NUP210L: variants seen among roughly 807,000 people sequenced by gnomAD.
NUP210L encodes nucleoporin 210 like, also known as nuclear pore membrane glycoprotein 210-like.
Under a neutral mutation model 208.5 loss-of-function variants are expected in NUP210L, and 74 were observed. The observed-to-expected ratio is 0.35, with a 90% CI of 0.29 to 0.43. The LOEUF (loss-of-function observed/expected upper bound fraction) is 0.43. Among genes scored for constraint, NUP210L ranks in the 20% least tolerant of loss-of-function variants. NUP210L has a pLI of 1.00. For missense variants in NUP210L, 1,843 were observed against 2,289.4 expected (o/e 0.81, Z 3.98); for synonymous variants, 780 against 816.9 (o/e 0.95, Z 0.77).
At chr1:154,060,626 C>A in exon 20 of NUP210L, 1 of 1,611,124 alleles carries the variant, frequency 6.2e-7, no homozygotes, top group Non-Finnish European at 8.5e-7. Context: ...GATCCTTCCA[C>A]AAGGCTAAAT....
intron 33 of NUP210L, among the ~76,000 whole-genome samples, chr1:154,013,017 A>AAAC (rs1354955897): frequency 1.9e-4 from 29 of 149,302 alleles, no homozygotes; most frequent in South Asian, 4.3e-4. Context: ...AAAAAAAAAA[A>AAAC]AAAAAAACAA....
At chr1:154,098,855 C>T (rs749492211) in intron 14 of NUP210L, among the ~76,000 whole-genome samples, 5 of 152,182 alleles carry the variant, frequency 3.3e-5, no homozygotes, top group African/African-American at 7.2e-5. Flanking sequence ...TGCCTCCTGC[C>T]GCTGTTCATG....
rs1464392707 is a variant in NUP210L, at chr1:154,025,450, A to C, written c.4122+92T>G. Reference sequence around the variant, plus strand: ...TTTTTCTTTAATGGCATGATAAGAAAATTTCTAGTTTTTTAAAAAAGAAAC... The same window carrying C: ...TTTTTCTTTAATGGCATGATAAGAACATTTCTAGTTTTTTAAAAAAGAAAC... On this transcript the variant is annotated intron_variant, in intron 30 of 39. Coordinates refer to ENST00000368559, the Ensembl canonical transcript of NUP210L. The C allele has an allele frequency of 3.9e-5, 34 of 867,576 alleles. No homozygotes were observed. In the East Asian group the frequency reaches 9.6e-4, roughly 24 times the overall value. 53.7% of individuals were successfully genotyped at this position (867,576 alleles called of 1,614,324 possible).
chr1:154,108,481 A>G (rs11265099), intron 12 of NUP210L, among the ~76,000 whole-genome samples: 39,140 of 148,286 alleles, frequency 0.26, 5,765 homozygotes, highest in Admixed American at 0.37. Context: ...AGTTTTGATT[A>G]GTTTTCTCTT....
chr1:154,068,665 G>C (rs925652087), intron 17 of NUP210L, among the ~76,000 whole-genome samples: 1 of 152,128 alleles, frequency 6.6e-6, no homozygotes, highest in Admixed American at 6.6e-5. Flanking sequence ...GGGTGACAGA[G>C]CAAGACTCCA....
intron 26 of NUP210L, 43 bp downstream of exon 26, chr1:154,046,246 A>G (rs1571209495): frequency 1.9e-6 from 3 of 1,614,096 alleles, no homozygotes; most frequent in Non-Finnish European, 2.5e-6. Context: ...GCCCAGTTGC[A>G]ATTATCAGAA....
intron 17 of NUP210L, among the ~76,000 whole-genome samples, chr1:154,065,980 G>A (rs1482464789): frequency 1.3e-5 from 2 of 149,624 alleles, no homozygotes; most frequent in Admixed American, 6.7e-5. Context: ...ACTCAAAATC[G>A]CACAACTACA....
chr1:153,999,734 CAA>C (rs1172554188), intron 37 of NUP210L, among the ~76,000 whole-genome samples: 608 of 54,554 alleles, frequency 0.011, 2 homozygotes, highest in African/African-American at 0.036. Context: ...AAGACTCTCT[CAA>C]AAAAAAAAAA....
chr1:154,097,533 CAAG>C (rs1487353033), intron 14 of NUP210L, among the ~76,000 whole-genome samples: 1 of 152,122 alleles, frequency 6.6e-6, no homozygotes, highest in African/African-American at 2.4e-5. Flanking sequence ...TTTAATTAGG[CAAG>C]AAGGAGGATT....
At chr1:154,114,984 A>T (rs938658930) in intron 12 of NUP210L, among the ~76,000 whole-genome samples, 1 of 152,154 alleles carries the variant, frequency 6.6e-6, no homozygotes, top group Non-Finnish European at 1.5e-5. Context: ...TTCCCTGCTC[A>T]ATCAAATCGG....
chr1:154,154,442 C>T (rs1218447722), intron 1 of NUP210L, among the ~76,000 whole-genome samples: 1 of 152,130 alleles, frequency 6.6e-6, no homozygotes, highest in African/African-American at 2.4e-5. Context: ...ACAGAAATTT[C>T]CTCAGATATG....
chr1:153,993,651 G>A (rs940389515), intron 38 of NUP210L, among the ~76,000 whole-genome samples: 11 of 151,126 alleles, frequency 7.3e-5, no homozygotes, highest in African/African-American at 2.4e-4. Context: ...GGTGGCTCAC[G>A]CCTGTAATCC....
chr1:154,122,264 T>C (rs1255828410), intron 10 of NUP210L, among the ~76,000 whole-genome samples: 2 of 152,198 alleles, frequency 1.3e-5, no homozygotes, highest in East Asian at 3.8e-4. Context: ...TAAAATTGAA[T>C]TCATAGTTTA....
intron 12 of NUP210L, among the ~76,000 whole-genome samples, chr1:154,105,884 G>A (rs1319117301): frequency 1.3e-5 from 2 of 152,200 alleles, no homozygotes; most frequent in African/African-American, 4.8e-5. Flanking sequence ...AACATTGGTA[G>A]TAGCTAGTCA....
chr1:154,061,764 T>C (rs1005431922), intron 17 of NUP210L, 90 bp from the exon 18 acceptor site: 22 of 812,176 alleles, frequency 2.7e-5, no homozygotes, highest in Non-Finnish European at 4.4e-5. Context: ...CCACAGTTTT[T>C]CCAAATGGTG....
chr1:154,056,887 C>T, exon 23 of NUP210L: 1 of 1,608,276 alleles, frequency 6.2e-7, no homozygotes. Flanking sequence ...GTGTGGTTTG[C>T]CCAATAGTGG....
intron 16 of NUP210L, chr1:154,079,388 C>G (rs1390879299): frequency 2.6e-5 from 4 of 152,076 alleles, no homozygotes; most frequent in Non-Finnish European, 2.9e-5. Flanking sequence ...TTCCAACTAG[C>G]TGGGACTACA....
chr1:154,090,808 T>C (rs1261943962), intron 15 of NUP210L, among the ~76,000 whole-genome samples: 6 of 145,318 alleles, frequency 4.1e-5, no homozygotes, highest in African/African-American at 1.3e-4. Flanking sequence ...TCAAACTACA[T>C]CTAAAAAAAA....
chr1:153,994,177 G>A (rs149736509), intron 38 of NUP210L, among the ~76,000 whole-genome samples: 6 of 152,128 alleles, frequency 3.9e-5, no homozygotes, highest in Non-Finnish European at 8.8e-5. Flanking sequence ...ATTGCACCCA[G>A]TCTGTTTTGT....
Sources: allele counts gnomAD v4.1 joint callset (sites outside exome capture counted in the v4.1 genomes callset), GRCh38; gene constraint gnomAD v4.1.1; transcripts MANE v1.5; gene names NCBI Gene and HGNC (gene_info 2026-07-23, HGNC 2026-07-21).